The following ANK3 variants were observed in gnomAD, a reference collection of about 807,000 sequenced individuals.
ANK3 encodes the protein ankyrin 3, also known as ankyrin-3.
A neutral mutation model predicts 370.9 loss-of-function variants in ANK3; 57 were observed. The ratio of observed to expected loss-of-function variants is 0.15; its 90% CI spans 0.12 to 0.19. ANK3 has a LOEUF of 0.19. Ranked by LOEUF, ANK3 falls within the 10% of genes least tolerant of loss-of-function variation. The pLI, the probability that ANK3 is intolerant of heterozygous loss-of-function variation, is 1.00. For missense variants in ANK3, 4,439 were observed against 5,302.1 expected (o/e 0.84, Z 5.06); for synonymous variants, 1,929 against 1,946.3 (o/e 0.99, Z 0.23).
intron 38 of ANK3, among the ~76,000 whole-genome samples, chr10:60,065,525 A>T (rs2081462468): frequency 6.6e-6 from 1 of 152,196 alleles, no homozygotes; most frequent in African/African-American, 2.4e-5. Context: ...CAAGTGATTC[A>T]CATTTAGAAA....
At chr10:60,452,767 C>T (rs2064643560) in intron 2 of ANK3, among the ~76,000 whole-genome samples, 1 of 152,196 alleles carries the variant, frequency 6.6e-6, no homozygotes, top group Non-Finnish European at 1.5e-5. Flanking sequence ...TTGGGTGTCT[C>T]TTACTTCTCA....
At chr10:60,254,287 T>G (rs988205717) in intron 7 of ANK3, among the ~76,000 whole-genome samples, 1 of 151,972 alleles carries the variant, frequency 6.6e-6, no homozygotes, top group African/African-American at 2.4e-5. Flanking sequence ...ACCATGGATG[T>G]GAAATCTAAG....
intron 1 of ANK3, among the ~76,000 whole-genome samples, chr10:60,679,980 CA>C (rs2079173000): frequency 6.6e-6 from 1 of 151,516 alleles, no homozygotes; most frequent in South Asian, 2.1e-4. Context: ...ACTAAAAATA[CA>C]AAAATTAGCC....
At chr10:60,218,571 G>A (rs879484554) in intron 8 of ANK3, among the ~76,000 whole-genome samples, 25 of 152,000 alleles carry the variant, frequency 1.6e-4, no homozygotes, top group African/African-American at 4.6e-4. Context: ...ATGAAATTCC[G>A]GGTTGAAAAT....
At chr10:60,520,719 T>C (rs1219702748) in intron 2 of ANK3, among the ~76,000 whole-genome samples, 11 of 152,138 alleles carry the variant, frequency 7.2e-5, no homozygotes, top group Admixed American at 7.2e-4. Context: ...TACTATGGTG[T>C]TTCTGCCCAT....
chr10:60,196,008 T>C (rs2096580591), intron 16 of ANK3, 137 bp downstream of exon 16: 2 of 673,928 alleles, frequency 3.0e-6, no homozygotes, highest in African/African-American at 3.6e-5. Context: ...ACAGATGTCC[T>C]AAGGTGCTTC....
At chr10:60,571,111 TTTGTG>T (rs2077587061) in intron 2 of ANK3, among the ~76,000 whole-genome samples, 1 of 150,960 alleles carries the variant, frequency 6.6e-6, no homozygotes, top group African/African-American at 2.4e-5. Flanking sequence ...AAACAAATCA[TTTGTG>T]CTGTGCAGCT....
chr10:60,564,163 T>C lies in ANK3; in HGVS notation c.96+51023A>G, dbSNP rs560788035. On this transcript the variant is annotated intron_variant, in intron 2 of 43. Transcript: ENST00000373827. Reference sequence around the variant, plus strand: ...GAATGCCTACTGACTATAAAATGGATAGCATTTATAAAAATAAAATTAACA... The same window carrying C: ...GAATGCCTACTGACTATAAAATGGACAGCATTTATAAAAATAAAATTAACA... 1.2e-4 allele frequency among the ~76,000 whole-genome samples: 18 copies of C among 152,332 alleles called. 1 individual carries two copies. The East Asian group carries it at 2.9e-3, about 24-fold the overall frequency.
At chr10:60,598,979 A>G (rs569978996) in intron 2 of ANK3, among the ~76,000 whole-genome samples, 83 of 152,232 alleles carry the variant, frequency 5.5e-4, no homozygotes, top group African/African-American at 1.6e-3. Context: ...CCCAGGCTGG[A>G]GTACAGTGGC....
intron 1 of ANK3, among the ~76,000 whole-genome samples, chr10:60,623,725 C>T (rs1222561009): frequency 6.6e-6 from 1 of 152,142 alleles, no homozygotes; most frequent in East Asian, 1.9e-4. Flanking sequence ...AAGGAATTAA[C>T]CTTGCCCAAA....
intron 2 of ANK3, among the ~76,000 whole-genome samples, chr10:60,586,717 C>A (rs139561830): frequency 1.1e-3 from 161 of 152,206 alleles, no homozygotes; most frequent in Non-Finnish European, 1.5e-3. Context: ...ACATTTAGTA[C>A]CATGTTGCTT....
At chr10:60,497,570 T>C (rs1294343556) in intron 2 of ANK3, among the ~76,000 whole-genome samples, 1 of 152,172 alleles carries the variant, frequency 6.6e-6, no homozygotes, top group Non-Finnish European at 1.5e-5. Context: ...TTATTAAGCT[T>C]TTGTTTTTAT....
chr10:60,476,733 G>T (rs535031919), intron 2 of ANK3, among the ~76,000 whole-genome samples: 1 of 152,084 alleles, frequency 6.6e-6, no homozygotes, highest in African/African-American at 2.4e-5. Flanking sequence ...CAAAACTCTG[G>T]CTCTGTTATT....
rs1276742517 is a variant in ANK3 at position 60,138,992 on chromosome 10, C to G, written c.2710G>C (p.Gly904Arg). 8 of 1,613,690 alleles carry G rather than the reference C, an allele frequency of 5.0e-6. No homozygotes were observed. The highest frequency in any genetic ancestry group is 5.9e-6 in the Non-Finnish European group (7 of 1,179,874). Residue 904 changes from glycine (G) to arginine (R), a missense_variant, in exon 24 of 44, where the codon GGC becomes CGC. Around this residue, in one of 13 missense-constraint regions of ANK3, gnomAD observed 702 missense variants for 941.5 expected, o/e 0.75. Coordinates refer to ENST00000280772, the MANE Select transcript of ANK3 (RefSeq NM_020987.5). The part of the protein sequence containing the change: ...DDSLPAEGYM[G>R]FSLGARSASL... ...GCAGAACGCGCTCCGAGACTAAAGC[C>G]CATGTAACCCTCTGCAGGCAGGGAA...
At chr10:60,514,806 C>G (rs1177099069) in intron 2 of ANK3, among the ~76,000 whole-genome samples, 1 of 151,956 alleles carries the variant, frequency 6.6e-6, no homozygotes, top group Non-Finnish European at 1.5e-5. Context: ...TTCCAAGTTG[C>G]TTCTATGTCA....
rs142666099 is a variant in ANK3, at chr10:60,137,484, T to C, written c.2738+1480A>G. The C allele has an allele frequency of 1.4e-4, 33 of 236,364 alleles. No individual in the cohort carries two copies. The East Asian group carries it at 2.4e-3, about 17-fold the overall frequency. 14.6% of individuals were successfully genotyped at this position (236,364 alleles called of 1,614,324 possible). The stretch of plus-strand genomic sequence containing the variant: ...CACATTTAATGTACTCCTTTTAAAA[T>C]GTTACACTCAGAATATATTTTACTT... On this transcript the variant is annotated intron_variant, in intron 24 of 43. Transcript: ENST00000280772.
intron 1 of ANK3, among the ~76,000 whole-genome samples, chr10:60,716,959 G>C (rs1393687563): frequency 1.3e-5 from 2 of 152,204 alleles, no homozygotes; most frequent in Non-Finnish European, 2.9e-5. Context: ...AACATCTAAA[G>C]AGCGGAGACC....
At chr10:60,220,739 T>C (rs2097034508) in intron 8 of ANK3, among the ~76,000 whole-genome samples, 1 of 152,110 alleles carries the variant, frequency 6.6e-6, no homozygotes, top group Non-Finnish European at 1.5e-5. Flanking sequence ...CTAAAATGTA[T>C]ACAACCAAGC....
chr10:60,641,406 CA>C (rs2078630673), intron 1 of ANK3, among the ~76,000 whole-genome samples: 1 of 152,088 alleles, frequency 6.6e-6, no homozygotes, highest in Admixed American at 6.6e-5. Context: ...GTAACCAAAA[CA>C]GCATGGTACT....
Sources: gnomAD v4.1 joint callset for allele counts (sites outside exome capture counted in the v4.1 genomes callset) on GRCh38, gnomAD v4.1.1 for gene constraint, gnomAD v4.1.1 regional missense constraint, MANE v1.5 for transcripts, NCBI Gene and HGNC (gene_info 2026-07-23, HGNC 2026-07-21) for gene names.